PARM1: variants seen among roughly 807,000 people sequenced by gnomAD.
The protein encoded by PARM1 is WSC4, cell wall integrity and stress response component 4 homolog.
PARM1 carries 14 observed loss-of-function variants against 24.6 expected under a neutral mutation model. The ratio of observed to expected loss-of-function variants is 0.57; its 90% CI spans 0.38 to 0.89. PARM1 has a LOEUF of 0.89. Among genes scored for constraint, PARM1 ranks in the 40% least tolerant of loss-of-function variants. The pLI, the probability that PARM1 is intolerant of heterozygous loss-of-function variation, is 0.00. For missense variants in PARM1, 362 were observed against 380.4 expected (o/e 0.95, Z 0.40); for synonymous variants, 179 against 156.6 (o/e 1.14, Z -1.07).
At chr4:74,999,137 C>A (rs1722631468) in intron 1 of PARM1, 1 of 152,240 alleles carries the variant, frequency 6.6e-6, no homozygotes, top group Admixed American at 6.5e-5. Flanking sequence ...CTGGTACACT[C>A]AAGGGAGCAA....
intron 1 of PARM1, among the ~76,000 whole-genome samples, chr4:75,009,215 T>G (rs1479380445): frequency 2.6e-5 from 4 of 152,224 alleles, no homozygotes; most frequent in African/African-American, 9.6e-5. Context: ...ATGGCCTTGA[T>G]GAACTCCTTT....
chr4:74,989,123 T>TG (rs1290518258), intron 1 of PARM1, among the ~76,000 whole-genome samples: 1 of 152,170 alleles, frequency 6.6e-6, no homozygotes, highest in East Asian at 1.9e-4. Context: ...CCAAAATGTG[T>TG]GGGGATTTCT....
At chr4:74,941,235 T>G (rs1392121521) in intron 1 of PARM1, among the ~76,000 whole-genome samples, 1 of 152,198 alleles carries the variant, frequency 6.6e-6, no homozygotes, top group Non-Finnish European at 1.5e-5. Context: ...TAGTCTCCTT[T>G]TTGGAGACCT....
intron 1 of PARM1, among the ~76,000 whole-genome samples, chr4:74,947,762 G>A (rs544655514): frequency 3.9e-5 from 6 of 152,296 alleles, no homozygotes; most frequent in Non-Finnish European, 8.8e-5. Context: ...AAAGGAACAT[G>A]GGGATGCATT....
intron 1 of PARM1, among the ~76,000 whole-genome samples, chr4:75,002,851 G>A (rs1722705909): frequency 6.6e-6 from 1 of 152,164 alleles, no homozygotes; most frequent in Non-Finnish European, 1.5e-5. Context: ...ATTAGTCTTG[G>A]GTCTGCAGAG....
At position 75,012,780 on chromosome 4, in the gene PARM1, C is replaced by T. The variant is rs369237779; in HGVS notation, c.399C>T (p.Gly133=). The change falls in exon 2 of 4, where the codon GGC becomes GGT. Residue 133 remains glycine (G), a synonymous_variant. Transcript: ENST00000307428. ...ACAGCTCGGGCACTCCTGAAGCAGG[C>T]GTGGCAGCTACACTGTCGCAGTCCG... is the stretch of plus-strand genomic sequence containing the variant. ...EEHSSGTPEA[G]VAATLSQSAA... is the part of the protein sequence containing the mutation. 14 of 1,613,992 alleles carry T rather than the reference C, an allele frequency of 8.7e-6. No homozygotes were observed. The highest frequency in any genetic ancestry group is 5.0e-5 in the Admixed American group (3 of 60,016).
At chr4:74,981,093 A>G (rs1435058726) in intron 1 of PARM1, among the ~76,000 whole-genome samples, 1 of 152,248 alleles carries the variant, frequency 6.6e-6, no homozygotes, top group East Asian at 1.9e-4. Flanking sequence ...AATTGCAACA[A>G]AAGCAAACAT....
chr4:75,002,254 C>G (rs945760453), intron 1 of PARM1, among the ~76,000 whole-genome samples: 21 of 152,092 alleles, frequency 1.4e-4, no homozygotes, highest in African/African-American at 4.8e-4. Flanking sequence ...GAAGAGGTTC[C>G]AAATCAAAAC....
rs202157766 is a variant in PARM1, at chr4:74,933,370, G to A, written c.43G>A (p.Gly15Arg). 3.8e-5 allele frequency: 62 copies of A among 1,612,594 alleles called. No homozygotes were observed. Among genetic ancestry groups the A allele is most frequent in the Middle Eastern group, 1.6e-4 (1 of 6,080 alleles). The change falls in exon 1 of 4, where the codon GGA becomes AGA. Residue 15 changes from glycine (G) to arginine (R), a missense_variant and splice_region_variant. Coordinates refer to ENST00000307428, the MANE Select transcript of PARM1 (RefSeq NM_015393.4). ...CTTCGCTCTTTGCATCTTAACTGCA[G>A]GTAATTGGCGCCATCCTCCCGGAAG... ...TLFALCILTA[G>R]WRVQSLPTSA...
At chr4:74,965,595 A>G (rs896696447) in intron 1 of PARM1, among the ~76,000 whole-genome samples, 3 of 152,212 alleles carry the variant, frequency 2.0e-5, no homozygotes, top group African/African-American at 7.2e-5. Flanking sequence ...CTTTTGAGGT[A>G]TGAAGAATCC....
At chr4:75,027,161 C>T (rs1341579347) in intron 2 of PARM1, among the ~76,000 whole-genome samples, 1 of 152,138 alleles carries the variant, frequency 6.6e-6, no homozygotes, top group Non-Finnish European at 1.5e-5. Context: ...CACTACTCAC[C>T]TCTCTTACCT....
chr4:75,030,847 C>G (rs983558668), intron 2 of PARM1, among the ~76,000 whole-genome samples: 6 of 152,176 alleles, frequency 3.9e-5, no homozygotes, highest in African/African-American at 1.4e-4. Context: ...TGCCCCCCAG[C>G]CACACCTTCC....
intron 1 of PARM1, among the ~76,000 whole-genome samples, chr4:74,963,312 A>T (rs1310969352): frequency 6.6e-6 from 1 of 152,194 alleles, no homozygotes; most frequent in Non-Finnish European, 1.5e-5. Context: ...TGTATATTAA[A>T]CCCAAAAGAA....
chr4:74,958,846 C>T (rs1721702603), intron 1 of PARM1, among the ~76,000 whole-genome samples: 2 of 152,268 alleles, frequency 1.3e-5, no homozygotes, highest in African/African-American at 2.4e-5. Flanking sequence ...CATGGCCATG[C>T]TCAATAAATG....
chr4:75,046,079 C>G (rs3733467), intron 3 of PARM1, 84 bp from the exon 4 acceptor site: 84,452 of 841,114 alleles, frequency 0.1, 6,712 homozygotes, highest in African/African-American at 0.36. Flanking sequence ...CCATAAGCAT[C>G]CCCAGTTCAG....
At chr4:75,001,388 T>C (rs1369356939) in intron 1 of PARM1, among the ~76,000 whole-genome samples, 1 of 152,180 alleles carries the variant, frequency 6.6e-6, no homozygotes, top group East Asian at 1.9e-4. Flanking sequence ...CATAATTCCA[T>C]TTATATGAAG....
rs1258534289 is a variant in PARM1 at position 75,033,884 on chromosome 4, C to T, written c.771C>T (p.Gly257=). Residue 257 remains glycine, a splice_region_variant and synonymous_variant, in exon 3 of 4, where the codon GGC becomes GGT. Coordinates refer to ENST00000307428, the MANE Select transcript of PARM1 (RefSeq NM_015393.4). ...TTCTGTGCCCTTCCTCCTTCACAGG[C>T]AGCATCGCCGCCATTACCGTGACAG... ...MQEVEHALSS[G]SIAAITVTVI... is the part of the protein sequence containing the mutation. 4 of 1,595,384 alleles carry T rather than the reference C, an allele frequency of 2.5e-6. No homozygotes were observed. The highest frequency in any genetic ancestry group is 3.5e-5 in the Admixed American group (2 of 57,762).
At chr4:75,029,663 A>G (rs1299015949) in intron 2 of PARM1, among the ~76,000 whole-genome samples, 1 of 152,136 alleles carries the variant, frequency 6.6e-6, no homozygotes, top group Non-Finnish European at 1.5e-5. Flanking sequence ...AGAATGGACT[A>G]ATTCATTCCT....
At chr4:74,937,019 C>T (rs938447101) in intron 1 of PARM1, among the ~76,000 whole-genome samples, 1 of 152,132 alleles carries the variant, frequency 6.6e-6, no homozygotes, top group African/African-American at 2.4e-5. Context: ...ATGTAGATCA[C>T]CAGAGAGCTA....
Sources: gnomAD v4.1 joint callset for allele counts (sites outside exome capture counted in the v4.1 genomes callset) on GRCh38, gnomAD v4.1.1 for gene constraint, MANE v1.5 for transcripts, NCBI Gene and HGNC (gene_info 2026-07-23, HGNC 2026-07-21) for gene names.